PRRX1: variants seen among roughly 807,000 people sequenced by gnomAD.
PRRX1 encodes paired related homeobox 1.
A neutral mutation model predicts 24.0 loss-of-function variants in PRRX1; 8 were observed. The ratio of observed to expected loss-of-function variants is 0.33; its 90% CI spans 0.20 to 0.60. The LOEUF (loss-of-function observed/expected upper bound fraction) is 0.60. PRRX1 is among the 20% of genes least tolerant of loss of function. PRRX1 has a pLI of 0.82. For missense variants in PRRX1, 281 were observed against 322.4 expected (o/e 0.87, Z 0.98); for synonymous variants, 160 against 131.7 (o/e 1.22, Z -1.47).
At chr1:170,712,270 T>A (rs2101912030) in intron 1 of PRRX1, among the ~76,000 whole-genome samples, 1 of 152,266 alleles carries the variant, frequency 6.6e-6, no homozygotes, top group South Asian at 2.1e-4. Flanking sequence ...AGCAAAAAAA[T>A]GCCCCAAATG....
intron 2 of PRRX1, among the ~76,000 whole-genome samples, chr1:170,725,976 G>C (rs1005859018): frequency 1.3e-5 from 2 of 152,092 alleles, no homozygotes; most frequent in East Asian, 3.9e-4. Flanking sequence ...CCCATATCTG[G>C]AGACCTGATT....
chr1:170,692,612 T>C (rs1385567960), intron 1 of PRRX1, among the ~76,000 whole-genome samples: 1 of 148,806 alleles, frequency 6.7e-6, no homozygotes, highest in Non-Finnish European at 1.5e-5. Flanking sequence ...TTTTTCAAGA[T>C]AGGAAGTAAT....
rs1331139978 is a variant in PRRX1 at position 170,719,917 on chromosome 1, A to G, written c.417+16A>G. The G allele has an allele frequency of 1.2e-6, 2 of 1,613,346 alleles. No homozygotes were observed. The highest frequency in any genetic ancestry group is 1.7e-5 in the Admixed American group (1 of 60,002). ...GAGAGTGCAGGTAACTCAAGCTGTG[A>G]GAGGCTGGCACCAAGTAGTACCCTC... is the stretch of plus-strand genomic sequence containing the variant. On this transcript the variant is annotated intron_variant, in intron 2 of 3. Coordinates refer to ENST00000239461, the MANE Select transcript of PRRX1 (RefSeq NM_022716.4).
At chr1:170,694,113 T>A (rs1654080389) in intron 1 of PRRX1, among the ~76,000 whole-genome samples, 1 of 152,084 alleles carries the variant, frequency 6.6e-6, no homozygotes, top group African/African-American at 2.4e-5. Flanking sequence ...AAACCCCAGG[T>A]GCAAATATAT....
At chr1:170,694,835 T>C (rs1186694080) in intron 1 of PRRX1, among the ~76,000 whole-genome samples, 1 of 152,110 alleles carries the variant, frequency 6.6e-6, no homozygotes, top group East Asian at 1.9e-4. Context: ...TAGATAAAAA[T>C]TAAAAGTATG....
chr1:170,719,323 A>G (rs1362618047), intron 1 of PRRX1, among the ~76,000 whole-genome samples: 1 of 152,262 alleles, frequency 6.6e-6, no homozygotes, highest in Non-Finnish European at 1.5e-5. Flanking sequence ...CTTGATTATT[A>G]AACTATATGA....
intron 1 of PRRX1, among the ~76,000 whole-genome samples, chr1:170,705,935 T>C (rs10919451): frequency 0.13 from 19,555 of 146,572 alleles, 1,788 homozygotes; most frequent in East Asian, 0.42. Flanking sequence ...CACACACACA[T>C]ACACACACAC....
At chr1:170,674,886 C>A (rs1653263342) in intron 1 of PRRX1, among the ~76,000 whole-genome samples, 1 of 152,142 alleles carries the variant, frequency 6.6e-6, no homozygotes. Context: ...GAGCTAGATA[C>A]AATTAATATT....
At chr1:170,670,620 T>C (rs929118085) in intron 1 of PRRX1, among the ~76,000 whole-genome samples, 8 of 152,292 alleles carry the variant, frequency 5.3e-5, no homozygotes, top group Middle Eastern at 3.4e-3. Context: ...CAGACAATTA[T>C]GGGGTATCGA....
At chr1:170,677,743 T>C (rs1416719734) in intron 1 of PRRX1, among the ~76,000 whole-genome samples, 1 of 152,194 alleles carries the variant, frequency 6.6e-6, no homozygotes, top group Non-Finnish European at 1.5e-5. Context: ...CTGACTATGG[T>C]TATCACCTTT....
At chr1:170,722,378 C>T (rs1019960081) in intron 2 of PRRX1, among the ~76,000 whole-genome samples, 1 of 152,148 alleles carries the variant, frequency 6.6e-6, no homozygotes, top group Non-Finnish European at 1.5e-5. Context: ...TTCTTTTCCT[C>T]TTTTTTTCCT....
intron 3 of PRRX1, among the ~76,000 whole-genome samples, chr1:170,733,618 ATGTGT>A (rs1655511133): frequency 6.6e-6 from 1 of 152,138 alleles, no homozygotes; most frequent in African/African-American, 2.4e-5. Flanking sequence ...CTTCTCTTCT[ATGTGT>A]TTACAATTTC....
intron 1 of PRRX1, among the ~76,000 whole-genome samples, chr1:170,701,329 T>C (rs1015087322): frequency 3.3e-5 from 5 of 152,238 alleles, no homozygotes; most frequent in Admixed American, 6.5e-5. Context: ...CCTTTCATAC[T>C]TACCAGCCAG....
Position 170,664,402 on chromosome 1 carries a change from C to G in PRRX1, c.184C>G (p.Arg62Gly). 1 of 1,612,484 alleles carries G rather than the reference C, an allele frequency of 6.2e-7. No homozygotes were observed. Among genetic ancestry groups the G allele is most frequent in the Non-Finnish European group, 8.5e-7 (1 of 1,179,576 alleles). The change falls in exon 1 of 4, where the codon CGG becomes GGG. Residue 62 changes from arginine (R) to glycine (G), a missense_variant. Arg to Gly is a moderately radical substitution (Grantham distance 125, BLOSUM62 -2). Transcript: ENST00000239461. ...GGATGAGAACGTGGGCGAGGCTGGC[C>G]GGAGCCTGCTGGAGTCGCCGGGACT... ...QADENVGEAGRSLLESPGLTS... is the reference protein window; with the variant it reads ...QADENVGEAGGSLLESPGLTS...
intron 1 of PRRX1, among the ~76,000 whole-genome samples, chr1:170,706,235 T>C (rs764480911): frequency 3.1e-4 from 47 of 152,202 alleles, no homozygotes; most frequent in Non-Finnish European, 4.9e-4. Context: ...CAGGAATGTA[T>C]ATCCATGGAA....
intron 2 of PRRX1, among the ~76,000 whole-genome samples, chr1:170,725,260 C>T (rs187731725): frequency 6.6e-6 from 1 of 152,206 alleles, no homozygotes; most frequent in East Asian, 1.9e-4. Flanking sequence ...CAAACCTGCA[C>T]ATCCTGCACA....
intron 1 of PRRX1, among the ~76,000 whole-genome samples, chr1:170,696,078 G>A (rs958247320): frequency 6.6e-6 from 1 of 152,128 alleles, no homozygotes; most frequent in Admixed American, 6.6e-5. Context: ...GAGACAGAAG[G>A]GATCAGCATG....
At chr1:170,675,002 C>A (rs749722679) in intron 1 of PRRX1, among the ~76,000 whole-genome samples, 1 of 152,026 alleles carries the variant, frequency 6.6e-6, no homozygotes, top group Non-Finnish European at 1.5e-5. Context: ...AAGTTTTAAC[C>A]CCATTTTCAA....
chr1:170,701,938 C>A (rs545210935), intron 1 of PRRX1, among the ~76,000 whole-genome samples: 6 of 151,646 alleles, frequency 4.0e-5, no homozygotes, highest in African/African-American at 9.7e-5. Context: ...CACTATAGAA[C>A]AACAGTCCCC....
Sources: allele counts gnomAD v4.1 joint callset (sites outside exome capture counted in the v4.1 genomes callset), GRCh38; gene constraint gnomAD v4.1.1; transcripts MANE v1.5; gene names NCBI Gene and HGNC (gene_info 2026-07-23, HGNC 2026-07-21).